Variants in PTPRD observed in about 807,000 individuals in gnomAD.
PTPRD encodes the protein receptor-type tyrosine-protein phosphatase delta.
A neutral mutation model predicts 214.5 loss-of-function variants in PTPRD; 34 were observed. That is an observed-to-expected ratio of 0.16 (90% CI 0.12 to 0.21). The LOEUF (loss-of-function observed/expected upper bound fraction) is 0.21, where lower values mean the gene tolerates loss of function less well. Ranked by LOEUF, PTPRD falls within the 10% of genes least tolerant of loss-of-function variation. The probability of loss-of-function intolerance (pLI) is 1.00; values close to 1 mark genes in which losing one functional copy is unlikely to be tolerated. For missense variants in PTPRD, 2,545 were observed against 2,398.7 expected, an observed-to-expected ratio of 1.06 and a Z score of -1.27; for synonymous variants, 1,128 against 845.7, an observed-to-expected ratio of 1.33 and a Z score of -5.79.
At chr9:9,870,394 T>TAAAC (rs1284508373) in intron 5 of PTPRD, among the ~76,000 whole-genome samples, 9 of 151,936 alleles carry the variant, frequency 5.9e-5, no homozygotes, top group African/African-American at 2.2e-4. Context: ...ATATTTACTA[T>TAAAC]AGACAACTTT....
intron 11 of PTPRD, among the ~76,000 whole-genome samples, chr9:8,829,643 C>T (rs2097249140): frequency 6.6e-6 from 1 of 152,142 alleles, no homozygotes; most frequent in African/African-American, 2.4e-5. Flanking sequence ...CTTGACAGAG[C>T]ATCAACTACC....
At chr9:10,281,430 C>T (rs1222104888) in intron 3 of PTPRD, among the ~76,000 whole-genome samples, 5 of 150,830 alleles carry the variant, frequency 3.3e-5, no homozygotes, top group Non-Finnish European at 5.9e-5. Context: ...TCATGCTTTG[C>T]TTTATGGAAA....
chr9:8,859,138 A>G (rs4147225), intron 11 of PTPRD, among the ~76,000 whole-genome samples: 86,212 of 152,146 alleles, frequency 0.57, 24,721 homozygotes, highest in East Asian at 0.76. Flanking sequence ...TTTGAAGGCA[A>G]CGAGGAAGAC....
At chr9:8,982,058 A>T (rs2099315412) in intron 11 of PTPRD, among the ~76,000 whole-genome samples, 1 of 152,022 alleles carries the variant, frequency 6.6e-6, no homozygotes, top group Admixed American at 6.6e-5. Context: ...CAAAAGTAAG[A>T]AAAAGGTCAA....
rs376526162 is a variant in PTPRD at position 9,785,485 on chromosome 9, G to A, written c.-367-18634C>T. Among the ~76,000 whole-genome samples, 20 of 152,072 alleles carry A rather than the reference G, an allele frequency of 1.3e-4. No individual in the cohort carries two copies. In the South Asian group the frequency reaches 4.2e-3, roughly 32 times the overall value. ...CTGTAGTCTTTATGCCCAAAATTCA[G>A]AACCTTAGTCTAATCATTCATAAAT... On this transcript the variant is annotated intron_variant, in intron 5 of 45. Transcript: ENST00000381196.
chr9:9,270,395 T>C (rs1200783780), intron 9 of PTPRD, among the ~76,000 whole-genome samples: 1 of 151,204 alleles, frequency 6.6e-6, no homozygotes, highest in Non-Finnish European at 1.5e-5. Context: ...ATGCTAAAAA[T>C]ATGAAGAATA....
chr9:10,449,577 C>G (rs111951701), intron 2 of PTPRD, among the ~76,000 whole-genome samples: 1 of 150,488 alleles, frequency 6.6e-6, no homozygotes, highest in African/African-American at 2.5e-5. Flanking sequence ...CGGCCGCCAT[C>G]CCGTCTAAGT....
At chr9:8,437,406 A>T (rs1005898580) in intron 34 of PTPRD, among the ~76,000 whole-genome samples, 3 of 152,192 alleles carry the variant, frequency 2.0e-5, no homozygotes, top group African/African-American at 7.2e-5. Context: ...CTACATTAAG[A>T]TCGCTAATAT....
At chr9:9,248,107 A>T (rs2099973868) in intron 9 of PTPRD, among the ~76,000 whole-genome samples, 1 of 151,688 alleles carries the variant, frequency 6.6e-6, no homozygotes, top group Non-Finnish European at 1.5e-5. Context: ...TTTTTTTTTA[A>T]TTTGAGACAG....
chr9:9,989,632 C>T (rs527848604), intron 4 of PTPRD, among the ~76,000 whole-genome samples: 3 of 152,278 alleles, frequency 2.0e-5, no homozygotes, highest in South Asian at 4.1e-4. Flanking sequence ...GACCTCATTC[C>T]TCCTGGACAC....
chr9:9,193,248 T>C (rs1346594964), intron 9 of PTPRD, among the ~76,000 whole-genome samples: 1 of 152,130 alleles, frequency 6.6e-6, no homozygotes, highest in Non-Finnish European at 1.5e-5. Context: ...ATTGAGGTCA[T>C]GAATATTGCT....
chr9:8,624,747 T>C (rs1230514929), intron 14 of PTPRD, among the ~76,000 whole-genome samples: 1 of 151,842 alleles, frequency 6.6e-6, no homozygotes, highest in Admixed American at 6.6e-5. Flanking sequence ...TAGGAAGCAC[T>C]GGAAGGTTGA....
At position 8,331,790 on chromosome 9, in the gene PTPRD, A is replaced by G. The variant is rs938410277; in HGVS notation, c.5380-54T>C. 3.9e-6 allele frequency: 6 copies of G among 1,520,138 alleles called. No individual in the cohort carries two copies. In the East Asian group the frequency reaches 1.2e-4, roughly 29 times the overall value. The allele number at this position is 1,520,138 out of a possible 1,614,324, so 94.2% of individuals were successfully genotyped here. A position where few individuals can be genotyped will look rare whatever the true frequency, so the allele number is the denominator to read the frequency against. On this transcript the variant is annotated intron_variant, in intron 43 of 45. Coordinates refer to ENST00000381196, the MANE Select transcript of PTPRD (RefSeq NM_002839.4). ...GCAAAGGAAGACGCCAGGAGGATTC[A>G]GCAAGCATACGGACCACAAGAACAA...
At chr9:9,965,652 A>G (rs1476043836) in intron 4 of PTPRD, among the ~76,000 whole-genome samples, 1 of 152,170 alleles carries the variant, frequency 6.6e-6, no homozygotes, top group Non-Finnish European at 1.5e-5. Flanking sequence ...TTTCCTAAGA[A>G]TTATCTGGAG....
intron 14 of PTPRD, among the ~76,000 whole-genome samples, chr9:8,557,054 G>C (rs1027544087): frequency 9.9e-5 from 15 of 152,108 alleles, no homozygotes; most frequent in African/African-American, 3.1e-4. Flanking sequence ...GTGGTTTGTG[G>C]TATACAGTAA....
chr9:9,461,718 T>A (rs188724906), intron 8 of PTPRD, among the ~76,000 whole-genome samples: 1 of 152,046 alleles, frequency 6.6e-6, no homozygotes, highest in African/African-American at 2.4e-5. Context: ...ATAACCTCTA[T>A]GTTAGGAATT....
intron 3 of PTPRD, among the ~76,000 whole-genome samples, chr9:10,217,379 C>G (rs950830193): frequency 6.6e-6 from 1 of 151,790 alleles, no homozygotes; most frequent in East Asian, 1.9e-4. Flanking sequence ...CAGCCTCCCC[C>G]TCCTCCATAT....
At chr9:8,492,451 T>C (rs2136276838) in intron 27 of PTPRD, among the ~76,000 whole-genome samples, 1 of 152,266 alleles carries the variant, frequency 6.6e-6, no homozygotes, top group South Asian at 2.1e-4. Flanking sequence ...CTTTTACTTT[T>C]CACCTTACCA....
At chr9:9,297,069 C>T (rs1953346885) in intron 9 of PTPRD, among the ~76,000 whole-genome samples, 1 of 151,652 alleles carries the variant, frequency 6.6e-6, no homozygotes, top group African/African-American at 2.4e-5. Flanking sequence ...AAATGCACTG[C>T]ATGTTCATAG....
Sources: allele counts gnomAD v4.1 joint callset (sites outside exome capture counted in the v4.1 genomes callset), GRCh38; gene constraint gnomAD v4.1.1; transcripts MANE v1.5; gene names NCBI Gene and HGNC (gene_info 2026-07-23, HGNC 2026-07-21).